OPCML: variants seen among roughly 807,000 people sequenced by gnomAD.
OPCML encodes opioid binding protein/cell adhesion molecule like.
In OPCML, 13 loss-of-function variants were observed where a neutral mutation model predicts 37.8. The ratio of observed to expected loss-of-function variants is 0.34; its 90% CI spans 0.22 to 0.55. The LOEUF (loss-of-function observed/expected upper bound fraction) is 0.55, where lower values mean the gene tolerates loss of function less well. OPCML is among the 20% of genes least tolerant of loss of function. The pLI, the probability that OPCML is intolerant of heterozygous loss-of-function variation, is 0.91. For synonymous variants in OPCML, 176 were observed against 168.8 expected, an observed-to-expected ratio of 1.04 and a Z score of -0.33; for missense variants, 341 against 435.6, an observed-to-expected ratio of 0.78 and a Z score of 1.93.
At chr11:132,759,798 T>G (rs1565840447) in intron 2 of OPCML, among the ~76,000 whole-genome samples, 1 of 152,184 alleles carries the variant, frequency 6.6e-6, no homozygotes, top group Non-Finnish European at 1.5e-5. Context: ...TCTATTTTCT[T>G]CAGTTCTACT....
At chr11:132,798,043 C>G (rs539603784) in intron 2 of OPCML, among the ~76,000 whole-genome samples, 1 of 152,162 alleles carries the variant, frequency 6.6e-6, no homozygotes, top group East Asian at 1.9e-4. Flanking sequence ...TCAAACCCTG[C>G]TGCTGATTTA....
intron 1 of OPCML, among the ~76,000 whole-genome samples, chr11:133,441,090 A>C (rs1946357284): frequency 6.6e-6 from 1 of 151,816 alleles, no homozygotes; most frequent in Non-Finnish European, 1.5e-5. Flanking sequence ...AGACAGACAC[A>C]TCCTCATGTA....
intron 4 of OPCML, among the ~76,000 whole-genome samples, chr11:132,502,977 G>A (rs1261618490): frequency 6.6e-6 from 1 of 152,190 alleles, no homozygotes; most frequent in Non-Finnish European, 1.5e-5. Flanking sequence ...GTTCAGGGGT[G>A]ACTGATGGGC....
chr11:133,321,510 A>T (rs1229768970), intron 1 of OPCML, among the ~76,000 whole-genome samples: 2 of 152,084 alleles, frequency 1.3e-5, no homozygotes, highest in African/African-American at 4.8e-5. Context: ...GTGGGCCTAA[A>T]TATTTCCTCT....
chr11:133,071,826 C>T (rs1033052470), intron 1 of OPCML, among the ~76,000 whole-genome samples: 4 of 152,210 alleles, frequency 2.6e-5, no homozygotes, highest in African/African-American at 9.7e-5. Context: ...GTACTGAGCA[C>T]TCATGGGCCT....
At chr11:132,804,646 T>A (rs1242412654) in intron 2 of OPCML, among the ~76,000 whole-genome samples, 1 of 152,168 alleles carries the variant, frequency 6.6e-6, no homozygotes, top group African/African-American at 2.4e-5. Context: ...GTGTAATGAC[T>A]AGAAATAGAG....
intron 1 of OPCML, among the ~76,000 whole-genome samples, chr11:133,359,013 A>AT (rs1290829519): frequency 6.6e-6 from 1 of 152,024 alleles, no homozygotes; most frequent in African/African-American, 2.4e-5. Flanking sequence ...GGGCCTACTG[A>AT]TTGTGGCAAA....
Position 132,846,668 on chromosome 11 carries a change from T to C in OPCML, c.146+96258A>G, listed in dbSNP as rs546500271. 2.6e-5 allele frequency among the ~76,000 whole-genome samples: 4 copies of C among 152,304 alleles called. No homozygotes were observed. In the South Asian group the frequency reaches 8.3e-4, roughly 32 times the overall value. ...CTTCTCCTGCCCTGATAAATGCTTG[T>C]CTGGTCATTGGACAATAAATGATTG... On this transcript the variant is annotated intron_variant, in intron 2 of 7. Coordinates refer to ENST00000524381, the MANE Select transcript of OPCML (RefSeq NM_001012393.5).
At chr11:133,090,131 C>T (rs112340606) in intron 1 of OPCML, among the ~76,000 whole-genome samples, 1,833 of 152,258 alleles carry the variant, frequency 0.012, 14 homozygotes, top group African/African-American at 0.019. Context: ...TATGGAGCAT[C>T]CTCTCCGCCC....
intron 1 of OPCML, among the ~76,000 whole-genome samples, chr11:133,417,164 G>C (rs1245819445): frequency 6.6e-6 from 1 of 152,156 alleles, no homozygotes; most frequent in Non-Finnish European, 1.5e-5. Context: ...AACATTAAGA[G>C]AGTGTTTCCC....
intron 1 of OPCML, among the ~76,000 whole-genome samples, chr11:133,043,147 T>A (rs1184429073): frequency 2.6e-5 from 4 of 152,140 alleles, no homozygotes; most frequent in Non-Finnish European, 4.4e-5. Flanking sequence ...TTCCACCTCA[T>A]CAACTCTCCT....
At chr11:133,267,883 G>T (rs1271341652) in intron 1 of OPCML, among the ~76,000 whole-genome samples, 1 of 152,278 alleles carries the variant, frequency 6.6e-6, no homozygotes, top group East Asian at 1.9e-4. Context: ...CCTTCTGCAT[G>T]GTTGGGAGGC....
intron 2 of OPCML, among the ~76,000 whole-genome samples, chr11:132,909,023 C>G (rs1465574105): frequency 6.7e-6 from 1 of 149,306 alleles, no homozygotes; most frequent in Non-Finnish European, 1.5e-5. Flanking sequence ...ATCGCTCCTC[C>G]TCAGAAGGGC....
At chr11:133,415,951 C>A (rs1224746532) in intron 1 of OPCML, among the ~76,000 whole-genome samples, 1 of 152,146 alleles carries the variant, frequency 6.6e-6, no homozygotes, top group East Asian at 1.9e-4. Context: ...GGAACTGAAT[C>A]CTGGCAACAC....
rs192597542 is a variant in OPCML, at chr11:133,445,720, A to G, written c.61+86544T>C. ...ATGTAATTTCCCCCTTGGCTAAGAA[A>G]GTTGTCCTTGAACTGGCTTTCTATG... is the stretch of plus-strand genomic sequence containing the variant. On this transcript the variant is annotated intron_variant, in intron 1 of 7. Transcript: ENST00000524381. Among the ~76,000 whole-genome samples, 284 of 152,338 alleles carry G rather than the reference A, an allele frequency of 1.9e-3. 4 individuals carry two copies. Among genetic ancestry groups the G allele is most frequent in the African/African-American group, 6.3e-3 (262 of 41,582 alleles).
chr11:133,459,405 C>G (rs952654066), intron 1 of OPCML, among the ~76,000 whole-genome samples: 1 of 151,982 alleles, frequency 6.6e-6, no homozygotes, highest in Non-Finnish European at 1.5e-5. Context: ...GTGGCTTAAA[C>G]TCTCCAATCA....
intron 1 of OPCML, chr11:133,419,292 G>C (rs527830724): frequency 1.0e-6 from 1 of 985,270 alleles, no homozygotes; most frequent in Non-Finnish European, 1.2e-6. Context: ...GTGAAACCTC[G>C]AGATGTCTGG....
intron 1 of OPCML, among the ~76,000 whole-genome samples, chr11:133,283,327 T>TA (rs999220136): frequency 2.0e-5 from 3 of 152,058 alleles, no homozygotes; most frequent in Non-Finnish European, 4.4e-5. Context: ...TGTCTACCAT[T>TA]ACCAACCACG....
intron 2 of OPCML, among the ~76,000 whole-genome samples, chr11:132,848,628 T>C (rs182655989): frequency 5.1e-4 from 77 of 152,366 alleles, no homozygotes; most frequent in East Asian, 1.9e-3. Flanking sequence ...CAAATTCGTA[T>C]GCAGTTTTGA....
Sources: gnomAD v4.1 joint callset for allele counts (sites outside exome capture counted in the v4.1 genomes callset) on GRCh38, gnomAD v4.1.1 for gene constraint, MANE v1.5 for transcripts, NCBI Gene and HGNC (gene_info 2026-07-23, HGNC 2026-07-21) for gene names.